PCDHGA5: variants seen among roughly 807,000 people sequenced by gnomAD.
PCDHGA5 encodes protocadherin gamma-A5.
PCDHGA5 carries 36 observed loss-of-function variants against 56.7 expected under a neutral mutation model. The ratio of observed to expected loss-of-function variants is 0.64; its 90% CI spans 0.49 to 0.84. PCDHGA5 has a LOEUF of 0.84. Ranked by LOEUF, PCDHGA5 falls within the 40% of genes least tolerant of loss-of-function variation. The pLI is 0.00. For synonymous variants in PCDHGA5, 563 were observed against 520.2 expected (o/e 1.08, Z -1.12); for missense variants, 1,305 against 1,201.5 (o/e 1.09, Z -1.27).
At chr5:141,405,389 T>A in intron 1 of PCDHGA5, 12 of 1,600,534 alleles carry the variant, frequency 7.5e-6, no homozygotes, top group Non-Finnish European at 8.5e-6. Context: ...GAGTTCATTT[T>A]TTTTCTTTCT....
intron 1 of PCDHGA5, chr5:141,400,677 ATTGTGAGTT>A (rs1177028391): frequency 1.1e-6 from 1 of 900,130 alleles, no homozygotes; most frequent in African/African-American, 1.7e-5. Flanking sequence ...GGAGCAGTAA[ATTGTGAGTT>A]TTTATGTCGC....
At chr5:141,413,390 C>T (rs1373497766) in intron 1 of PCDHGA5, 1 of 1,614,010 alleles carries the variant, frequency 6.2e-7, no homozygotes, top group African/African-American at 1.3e-5. Context: ...CGCATAGTCT[C>T]CAGAGGTAGG....
chr5:141,461,595 A>C (rs2099018386), intron 1 of PCDHGA5, among the ~76,000 whole-genome samples: 1 of 152,144 alleles, frequency 6.6e-6, no homozygotes, highest in East Asian at 1.9e-4. Flanking sequence ...TATTTCCATT[A>C]TAATTTAGTT....
rs1197249074 is a variant in PCDHGA5 at position 141,438,579 on chromosome 5, CATACATACATACATATATAT to C, written c.2422-56224_2422-56205del. ...AAGAGGCAGCTGTCTGATATACATACATACATACATACATATATATATATATATATATATATATATATATA... is the reference window on the plus strand; with the variant it reads ...AAGAGGCAGCTGTCTGATATACATACATATATATATATATATATATATATA... On this transcript the variant is annotated intron_variant, in intron 1 of 3. Transcript: ENST00000518069. Among the ~76,000 whole-genome samples the C allele has an allele frequency of 5.3e-3, 298 of 55,734 alleles. 1 individual carries two copies. Among genetic ancestry groups the C allele is most frequent in the Admixed American group, 0.022 (77 of 3,542 alleles). The allele number at this position is 55,734 out of a possible 152,430, so 36.6% of individuals were successfully genotyped here.
Position 141,364,800 on chromosome 5 carries a change from C to T in PCDHGA5, c.470C>T (p.Ala157Val). Residue 157 changes from alanine (A) to valine (V), a missense_variant, in exon 1 of 4, where the codon GCG becomes GTG. Transcript: ENST00000518069. The part of the protein sequence containing the change: ...AAGTRLVLPF[A>V]RDADVGVNSL... ...GGGACACGGTTAGTGCTTCCCTTCG[C>T]GCGGGATGCGGATGTGGGTGTGAAC... The T allele has an allele frequency of 6.2e-7, 1 of 1,613,952 alleles. No homozygotes were observed. The highest frequency in any genetic ancestry group is 8.5e-7 in the Non-Finnish European group (1 of 1,179,882).
At chr5:141,410,191 C>G in intron 1 of PCDHGA5, 2 of 1,613,994 alleles carry the variant, frequency 1.2e-6, no homozygotes, top group Non-Finnish European at 1.7e-6. Context: ...TTCATCTGGT[C>G]TTCGCAGACA....
At chr5:141,437,459 C>T (rs749625924) in intron 1 of PCDHGA5, among the ~76,000 whole-genome samples, 1 of 152,140 alleles carries the variant, frequency 6.6e-6, no homozygotes, top group Admixed American at 6.5e-5. Context: ...GGAGACTATA[C>T]TATACTTTTA....
chr5:141,387,827 A>G (rs2091110263), intron 1 of PCDHGA5: 2 of 1,585,958 alleles, frequency 1.3e-6, no homozygotes, highest in Non-Finnish European at 8.6e-7. Flanking sequence ...TGCAATACAG[A>G]GGTTATTTGT....
chr5:141,371,352 G>C lies in PCDHGA5; in HGVS notation c.2421+4601G>C, dbSNP rs1005607515. ...GAGAGATAGCTACACAATTGGGGTG[G>C]AAGCAAAGGATGGTGGACATCACAC... On this transcript the variant is annotated intron_variant, in intron 1 of 3. Coordinates refer to ENST00000518069, the MANE Select transcript of PCDHGA5 (RefSeq NM_018918.3). 1.9e-6 allele frequency: 3 copies of C among 1,613,840 alleles called. No individual in the cohort carries two copies. In the African/African-American group the frequency reaches 4.0e-5, roughly 22 times the overall value.
intron 1 of PCDHGA5, chr5:141,410,847 G>GTTTTTT (rs773839667): frequency 6.3e-5 from 10 of 158,328 alleles, no homozygotes; most frequent in Admixed American, 1.8e-4. Flanking sequence ...TTTTGTCTTT[G>GTTTTTT]TCTTTTTTTT....
At chr5:141,508,823 G>A (rs1445894402) in intron 3 of PCDHGA5, among the ~76,000 whole-genome samples, 1 of 151,966 alleles carries the variant, frequency 6.6e-6, no homozygotes, top group Admixed American at 6.6e-5. Flanking sequence ...GCCAGATCTG[G>A]GCCCCCCTCC....
chr5:141,505,348 G>C, intron 2 of PCDHGA5, 45 bp from the exon 3 acceptor site: 1 of 1,613,358 alleles, frequency 6.2e-7, no homozygotes, highest in Non-Finnish European at 8.5e-7. Flanking sequence ...GGCATGAGCT[G>C]TGCCGGCCTG....
intron 1 of PCDHGA5, among the ~76,000 whole-genome samples, chr5:141,483,024 G>A (rs1210804345): frequency 6.6e-6 from 1 of 152,094 alleles, no homozygotes; most frequent in Non-Finnish European, 1.5e-5. Context: ...GGCAGAGGTT[G>A]CAATGAGCTG....
chr5:141,421,498 A>T (rs1303740754), intron 1 of PCDHGA5: 2 of 1,613,952 alleles, frequency 1.2e-6, no homozygotes, highest in African/African-American at 1.3e-5. Context: ...GGCAGGCAGG[A>T]TAGACCGGGA....
chr5:141,477,970 T>G lies in PCDHGA5; in HGVS notation c.2422-16837T>G. ...TCTTGGGATCCCCTAACCAGAGCCTTTTTGCCATAGGGCTGCACACTGGTC... is the reference window on the plus strand; with the variant it reads ...TCTTGGGATCCCCTAACCAGAGCCTGTTTGCCATAGGGCTGCACACTGGTC... On this transcript the variant is annotated intron_variant, in intron 1 of 3. Coordinates refer to ENST00000518069, the MANE Select transcript of PCDHGA5 (RefSeq NM_018918.3). This position sits in a 1 kb window ranked among gnomAD's most constrained non-coding sequence, Gnocchi z 4.9. 1 of 1,614,090 alleles carries G rather than the reference T, an allele frequency of 6.2e-7. No homozygotes were observed. The highest frequency in any genetic ancestry group is 8.5e-7 in the Non-Finnish European group (1 of 1,180,002).
At chr5:141,473,189 A>G (rs1049891105) in intron 1 of PCDHGA5, among the ~76,000 whole-genome samples, 2 of 152,198 alleles carry the variant, frequency 1.3e-5, no homozygotes, top group Admixed American at 6.5e-5. Flanking sequence ...GAAGGAGTAA[A>G]TGTATCTTCT....
Position 141,383,405 on chromosome 5 carries a change from G to A in PCDHGA5, c.2421+16654G>A, listed in dbSNP as rs189408749. 100 of 1,614,016 alleles carry A rather than the reference G, an allele frequency of 6.2e-5. No individual in the cohort carries two copies. In the Middle Eastern group the frequency reaches 9.9e-4, roughly 16 times the overall value. ...GATGTGGGCACGAACTCCCTCCAGA[G>A]TTACCAGCTCAGCCCCAATCGCCAC... On this transcript the variant is annotated intron_variant, in intron 1 of 3. Coordinates refer to ENST00000518069, the MANE Select transcript of PCDHGA5 (RefSeq NM_018918.3).
chr5:141,364,809 C>A lies in PCDHGA5; in HGVS notation c.479C>A (p.Ala160Glu). 1 of 1,613,952 alleles carries A rather than the reference C, an allele frequency of 6.2e-7. No homozygotes were observed. The highest frequency in any genetic ancestry group is 8.5e-7 in the Non-Finnish European group (1 of 1,179,890). ...TRLVLPFARD[A>E]DVGVNSLRSY... ...TTAGTGCTTCCCTTCGCGCGGGATG[C>A]GGATGTGGGTGTGAACTCTCTCCGG... Residue 160 changes from alanine (A) to glutamate (E), a missense_variant, in exon 1 of 4, where the codon GCG becomes GAG. By Grantham distance (107) the Ala-to-Glu change is moderately radical. Coordinates refer to ENST00000518069, the MANE Select transcript of PCDHGA5 (RefSeq NM_018918.3).
At chr5:141,368,548 T>A (rs867089614) in intron 1 of PCDHGA5, among the ~76,000 whole-genome samples, 20 of 152,266 alleles carry the variant, frequency 1.3e-4, no homozygotes, top group African/African-American at 3.6e-4. Context: ...CCATTTTTTT[T>A]AAAAGAAAAT....
Sources: gnomAD v4.1 joint callset for allele counts (sites outside exome capture counted in the v4.1 genomes callset) on GRCh38, gnomAD v4.1.1 for gene constraint, Gnocchi (gnomAD v3.1) non-coding constraint, MANE v1.5 for transcripts, NCBI Gene and HGNC (gene_info 2026-07-23, HGNC 2026-07-21) for gene names.